PVT1: variants seen among roughly 807,000 people sequenced by gnomAD.
The protein encoded by PVT1 is Pvt1 oncogene, also known as CXCR4/PVT1 fusion.
chr8:127,946,240 T>C (rs1586449221), intron 3 of PVT1, among the ~76,000 whole-genome samples: 1 of 152,316 alleles, frequency 6.6e-6, no homozygotes, highest in East Asian at 1.9e-4. Context: ...ATCGATTGTA[T>C]TGGGTGCCTA....
chr8:127,976,508 T>G (rs1042095214), intron 3 of PVT1, among the ~76,000 whole-genome samples: 8 of 152,120 alleles, frequency 5.3e-5, no homozygotes, highest in African/African-American at 1.9e-4. Context: ...GAACCTCCCA[T>G]CTCCACCTGG....
At chr8:127,809,029 CAAAAA>C (rs1158760672) in intron 2 of PVT1, among the ~76,000 whole-genome samples, 1 of 28,286 alleles carries the variant, frequency 3.5e-5, no homozygotes, top group African/African-American at 1.4e-4. Context: ...GATTCCATCT[CAAAAA>C]AAAAAAAAAA....
chr8:127,953,816 CTTCTT>C (rs1816537061), intron 3 of PVT1, among the ~76,000 whole-genome samples: 1 of 152,118 alleles, frequency 6.6e-6, no homozygotes, highest in South Asian at 2.1e-4. Context: ...TTCCTTTCCT[CTTCTT>C]TTCTTTTGTT....
intron 2 of PVT1, among the ~76,000 whole-genome samples, chr8:127,884,344 G>A (rs1055725749): frequency 1.3e-5 from 2 of 152,164 alleles, no homozygotes; most frequent in Non-Finnish European, 2.9e-5. Context: ...TAGATTGTGT[G>A]CATATTTTAA....
At chr8:127,867,956 C>T (rs1815302493) in intron 2 of PVT1, among the ~76,000 whole-genome samples, 2 of 152,244 alleles carry the variant, frequency 1.3e-5, no homozygotes, top group African/African-American at 4.8e-5. Context: ...GAGGCAACAG[C>T]ACAGCCCCCG....
intron 4 of PVT1, among the ~76,000 whole-genome samples, chr8:128,015,317 T>C (rs1317975167): frequency 6.6e-6 from 1 of 152,076 alleles, no homozygotes; most frequent in Non-Finnish European, 1.5e-5. Context: ...CTTAAACTCC[T>C]GGCCTCATGT....
intron 3 of PVT1, among the ~76,000 whole-genome samples, chr8:127,908,790 G>A (rs990433945): frequency 6.6e-6 from 1 of 152,160 alleles, no homozygotes; most frequent in Non-Finnish European, 1.5e-5. Context: ...GAAGGGCTGC[G>A]GAAGGTGTCT....
intron 2 of PVT1, among the ~76,000 whole-genome samples, chr8:127,822,752 C>G (rs1814747704): frequency 1.3e-5 from 2 of 152,154 alleles, no homozygotes; most frequent in African/African-American, 2.4e-5. Context: ...GCGGGAGAAA[C>G]AGCACCTACA....
intron 4 of PVT1, among the ~76,000 whole-genome samples, chr8:128,028,823 TATTTTTAA>T (rs1170727336): frequency 6.6e-6 from 1 of 152,144 alleles, no homozygotes; most frequent in Non-Finnish European, 1.5e-5. Flanking sequence ...CTCCTGTTCC[TATTTTTAA>T]ATTTTTAAAT....
At chr8:127,992,091 G>GA (rs1817048954) in intron 4 of PVT1, among the ~76,000 whole-genome samples, 2 of 150,050 alleles carry the variant, frequency 1.3e-5, no homozygotes, top group African/African-American at 4.9e-5. Context: ...AAAAAAAAAG[G>GA]AAAAAAATTT....
At chr8:128,084,103 C>A (rs1157525958) in intron 5 of PVT1, among the ~76,000 whole-genome samples, 1 of 152,158 alleles carries the variant, frequency 6.6e-6, no homozygotes, top group Admixed American at 6.5e-5. Flanking sequence ...TCCTTTATCC[C>A]CCCCTTGGCA....
At chr8:127,936,795 C>T (rs1371118968) in intron 3 of PVT1, among the ~76,000 whole-genome samples, 2 of 152,166 alleles carry the variant, frequency 1.3e-5, no homozygotes, top group Non-Finnish European at 2.9e-5. Context: ...CTAAACTCTT[C>T]GCTGGGAACA....
rs1158474069 is a variant in PVT1, at chr8:127,898,788, C to G, written n.782+7790C>G. Among the ~76,000 whole-genome samples, 1 of 152,178 alleles carries G rather than the reference C, an allele frequency of 6.6e-6. No homozygotes were observed. Among genetic ancestry groups the G allele is most frequent in the Non-Finnish European group, 1.5e-5 (1 of 68,038 alleles). On this transcript the variant is annotated intron_variant and non_coding_transcript_variant, in intron 3 of 10. Transcript: ENST00000651587. The surrounding 1 kb of genome is among the most constrained non-coding windows in gnomAD (Gnocchi z 4.4). ...TAGCCTTGTTAAAATAGTGGCCACA[C>G]GCTGATAGCTGGATTTCCAGTGCAG... is the stretch of plus-strand genomic sequence containing the variant.
intron 2 of PVT1, among the ~76,000 whole-genome samples, chr8:127,832,442 C>A (rs1022208728): frequency 1.3e-5 from 2 of 152,334 alleles, no homozygotes; most frequent in Non-Finnish European, 2.9e-5. Flanking sequence ...GGCATTTTTA[C>A]TGTAGTACTT....
chr8:128,059,413 G>A (rs1813803547), intron 4 of PVT1, among the ~76,000 whole-genome samples: 2 of 152,094 alleles, frequency 1.3e-5, no homozygotes, highest in African/African-American at 4.8e-5. Flanking sequence ...CACTGTATTT[G>A]TACAATCCTA....
chr8:128,069,479 G>A (rs138489354), intron 4 of PVT1, among the ~76,000 whole-genome samples: 4 of 152,290 alleles, frequency 2.6e-5, no homozygotes, highest in Non-Finnish European at 5.9e-5. Context: ...CAGAGCAGGA[G>A]GTGCTCCTGG....
intron 2 of PVT1, among the ~76,000 whole-genome samples, chr8:127,879,865 C>G (rs761375268): frequency 6.6e-6 from 1 of 152,236 alleles, no homozygotes; most frequent in Admixed American, 6.5e-5. Flanking sequence ...TTGTGCCCAG[C>G]GCACCCTTCT....
intron 4 of PVT1, among the ~76,000 whole-genome samples, chr8:128,001,023 G>A (rs1188328792): frequency 6.6e-6 from 1 of 152,230 alleles, no homozygotes; most frequent in East Asian, 1.9e-4. Context: ...CTTGTGAGGT[G>A]TATTTCTGTA....
chr8:127,970,063 C>T (rs1291885584), intron 3 of PVT1, among the ~76,000 whole-genome samples: 1 of 152,160 alleles, frequency 6.6e-6, no homozygotes, highest in African/African-American at 2.4e-5. Flanking sequence ...CCCTTTTTGC[C>T]TGGAGCAAGT....
Sources: gnomAD v4.1 joint callset for allele counts (sites outside exome capture counted in the v4.1 genomes callset) on GRCh38, gnomAD v4.1.1 for gene constraint, Gnocchi (gnomAD v3.1) non-coding constraint, MANE v1.5 for transcripts, NCBI Gene and HGNC (gene_info 2026-07-23, HGNC 2026-07-21) for gene names.